The following SEMA4D variants were observed in gnomAD, a reference collection of about 807,000 sequenced individuals.
The protein encoded by SEMA4D is semaphorin 4D, also known as semaphorin-4D.
In SEMA4D, 22 loss-of-function variants were observed where a neutral mutation model predicts 74.8. That is an observed-to-expected ratio of 0.29 (90% CI 0.21 to 0.42). The LOEUF is 0.42. Ranked by LOEUF, SEMA4D falls within the 10% of genes least tolerant of loss-of-function variation. The pLI, the probability that SEMA4D is intolerant of heterozygous loss-of-function variation, is 1.00. For missense variants in SEMA4D, 937 were observed against 1,118.4 expected, an observed-to-expected ratio of 0.84 and a Z score of 2.31; for synonymous variants, 445 against 463.7, an observed-to-expected ratio of 0.96 and a Z score of 0.52.
chr9:89,363,510 T>C (rs982899202), exon 18 of SEMA4D: 1 of 1,613,880 alleles, frequency 6.2e-7, no homozygotes, highest in African/African-American at 1.3e-5. Context: ...CTGGTCCACC[T>C]CTCCTGGTGG....
intron 13 of SEMA4D, among the ~76,000 whole-genome samples, chr9:89,382,785 G>C (rs1005307297): frequency 1.3e-5 from 2 of 152,298 alleles, no homozygotes; most frequent in African/African-American, 4.8e-5. Flanking sequence ...GGGCACCTGC[G>C]AGGTGGCGTG....
chr9:89,465,246 G>T (rs1305546004), intron 1 of SEMA4D, among the ~76,000 whole-genome samples: 1 of 152,186 alleles, frequency 6.6e-6, no homozygotes, highest in African/African-American at 2.4e-5. Context: ...GCGGAGAACA[G>T]ACAAGAGGGG....
intron 3 of SEMA4D, among the ~76,000 whole-genome samples, 182 bp from the exon 4 acceptor site, chr9:89,403,198 C>T (rs539517223): frequency 1.3e-3 from 204 of 152,330 alleles, no homozygotes; most frequent in Middle Eastern, 3.4e-3. Context: ...CCTCAGTCAA[C>T]GCCAGACCCA....
At chr9:89,418,298 C>CAGGAGGG in intron 2 of SEMA4D, 1 of 840,878 alleles carries the variant, frequency 1.2e-6, no homozygotes. Context: ...CTGGGGCAGA[C>CAGGAGGG]AGGAGGGAGG....
intron 2 of SEMA4D, among the ~76,000 whole-genome samples, chr9:89,452,406 C>T (rs1256922934): frequency 1.3e-5 from 2 of 152,044 alleles, no homozygotes; most frequent in African/African-American, 4.8e-5. Flanking sequence ...TCTCAATCTC[C>T]TGACCTCGTG....
chr9:89,364,229 T>G, intron 16 of SEMA4D: 1 of 534,794 alleles, frequency 1.9e-6, no homozygotes, highest in South Asian at 2.0e-5. Context: ...CCCCCTTTCT[T>G]GCAGCGCTGT....
At position 89,477,041 on chromosome 9, in the gene SEMA4D, G is replaced by A. The variant is rs112415390; in HGVS notation, c.-310+20878C>T. Among the ~76,000 whole-genome samples, 849 of 152,206 alleles carry A rather than the reference G, an allele frequency of 5.6e-3. 6 individuals carry two copies. The highest frequency in any genetic ancestry group is 0.019 in the African/African-American group (807 of 41,506). On this transcript the variant is annotated intron_variant, in intron 1 of 15. Transcript: ENST00000422704. ...ACAAGCTGGAGGCATGGAGGAGAGT[G>A]GGGCGAGTTTTATCTTTTGGCTAAA... is the stretch of plus-strand genomic sequence containing the variant.
chr9:89,440,429 C>T (rs1004324075), intron 2 of SEMA4D, among the ~76,000 whole-genome samples: 5 of 152,134 alleles, frequency 3.3e-5, no homozygotes, highest in African/African-American at 9.7e-5. Context: ...GCTTAAAATC[C>T]CAACCCTTTA....
intron 1 of SEMA4D, among the ~76,000 whole-genome samples, chr9:89,467,431 T>C (rs1588104257): frequency 6.9e-6 from 1 of 145,124 alleles, no homozygotes. Flanking sequence ...GGAGTTGATT[T>C]CATTCTCCTC....
chr9:89,364,258 G>A (rs1833229287), intron 16 of SEMA4D: 7 of 452,348 alleles, frequency 1.5e-5, no homozygotes, highest in Non-Finnish European at 2.8e-5. Context: ...CTTACAGAAT[G>A]GTTCTGGGCC....
downstream of SEMA4D, chr9:89,376,897 G>T: frequency 4.5e-6 from 7 of 1,550,916 alleles, no homozygotes; most frequent in South Asian, 7.1e-5. Context: ...GGTCACTCAG[G>T]AAGGGCGGCA....
chr9:89,378,344 T>TCC lies in SEMA4D; in HGVS notation c.*359_*360insGG, dbSNP rs1836195744. 18 of 208,856 alleles carry TCC rather than the reference T, an allele frequency of 8.6e-5. No individual in the cohort carries two copies. The South Asian group carries it at 2.0e-3, about 24-fold the overall frequency. 12.9% of individuals were successfully genotyped at this position (208,856 alleles called of 1,614,324 possible). Reference sequence around the variant, plus strand: ...AATTAAATAATCTTTTAGTGGCTGCTACGGGGAGGGGAAGCTGAAGGGATG... The same window carrying TCC: ...AATTAAATAATCTTTTAGTGGCTGCTCCACGGGGAGGGGAAGCTGAAGGGATG... On this transcript the variant is annotated 3_prime_UTR_variant, in exon 16 of 16. Transcript: ENST00000422704.
At chr9:89,374,742 T>C (rs973328920), downstream of SEMA4D, among the ~76,000 whole-genome samples, 15 of 152,210 alleles carry the variant, frequency 9.9e-5, no homozygotes, top group African/African-American at 3.1e-4. Flanking sequence ...GGGGTACACC[T>C]GGAGCCTCAC....
chr9:89,363,576 G>C (rs371371974), intron 17 of SEMA4D: 143 of 1,609,954 alleles, frequency 8.9e-5, no homozygotes, highest in Non-Finnish European at 1.2e-4. Flanking sequence ...GGCCTTTATG[G>C]CACCCTTGAT....
In SEMA4D at chr9:89,377,679, AAGG is replaced by A. The variant is rs1836033836; in HGVS notation, c.*1022_*1024del. ...GGTAAGCAATTGAAGCAAGAAGAGAAAGGAGATGTTCAGAGAACCAAAGGCGCC... is the reference window on the plus strand; with the variant it reads ...GGTAAGCAATTGAAGCAAGAAGAGAAAGATGTTCAGAGAACCAAAGGCGCC... On this transcript the variant is annotated 3_prime_UTR_variant, in exon 16 of 16. Transcript: ENST00000422704. 6.6e-6 allele frequency: 1 copy of A among 152,194 alleles called. No individual in the cohort carries two copies. Among genetic ancestry groups the A allele is most frequent in the Admixed American group, 6.5e-5 (1 of 15,282 alleles). 9.4% of individuals were successfully genotyped at this position (152,194 alleles called of 1,614,324 possible).
At chr9:89,466,357 G>C (rs4129680) in intron 1 of SEMA4D, among the ~76,000 whole-genome samples, 1 of 152,070 alleles carries the variant, frequency 6.6e-6, no homozygotes. Context: ...TGGGCTCCTC[G>C]AACACCTCTA....
At chr9:89,404,452 TCAGA>T (rs148322452) in intron 3 of SEMA4D, among the ~76,000 whole-genome samples, 260 of 152,290 alleles carry the variant, frequency 1.7e-3, no homozygotes, top group Middle Eastern at 0.01. Context: ...GCCTGTCTGC[TCAGA>T]CAAAAGTTCT....
intron 11 of SEMA4D, among the ~76,000 whole-genome samples, 167 bp from the exon 12 acceptor site, chr9:89,387,775 T>C (rs1238224537): frequency 6.6e-6 from 1 of 151,932 alleles, no homozygotes; most frequent in East Asian, 1.9e-4. Flanking sequence ...AAAGGTGGCC[T>C]CTCCCCAGCC....
At chr9:89,450,660 GAAAAAAAAAA>G (rs71358578) in intron 2 of SEMA4D, 8,062 of 428,264 alleles carry the variant, frequency 0.019, 122 homozygotes, top group African/African-American at 0.063. Context: ...AAAAACCCAG[GAAAAAAAAAA>G]AAAAAAAAAA....
Sources: gnomAD v4.1 joint callset for allele counts (sites outside exome capture counted in the v4.1 genomes callset) on GRCh38, gnomAD v4.1.1 for gene constraint, MANE v1.5 for transcripts, NCBI Gene and HGNC (gene_info 2026-07-23, HGNC 2026-07-21) for gene names.